Variants in PCP4 observed in about 807,000 individuals in gnomAD.
PCP4 encodes calmodulin regulator protein PCP4.
In PCP4, 8 loss-of-function variants were observed where a neutral mutation model predicts 10.0. The observed-to-expected ratio is 0.80, with a 90% CI of 0.47 to 1.45. The LOEUF is 1.45. Among genes scored for constraint, PCP4 ranks in the 40% most tolerant of loss-of-function variants. The pLI, the probability that PCP4 is intolerant of heterozygous loss-of-function variation, is 0.00. For missense variants in PCP4, 54 were observed against 74.4 expected, an observed-to-expected ratio of 0.73 and a Z score of 1.01; for synonymous variants, 21 against 23.0, an observed-to-expected ratio of 0.91 and a Z score of 0.24.
intron 2 of PCP4, among the ~76,000 whole-genome samples, chr21:39,910,485 A>T (rs190701704): frequency 1.5e-3 from 234 of 152,262 alleles, no homozygotes; most frequent in Non-Finnish European, 2.7e-3. Context: ...TTAAAAAAAA[A>T]AGTGTTTTTA....
intron 1 of PCP4, among the ~76,000 whole-genome samples, chr21:39,880,990 C>T (rs1034131): frequency 6.6e-6 from 1 of 151,918 alleles, no homozygotes; most frequent in Non-Finnish European, 1.5e-5. Context: ...GTTGGTTGTT[C>T]GTATTGGTGG....
At chr21:39,897,495 T>C (rs2087462507) in intron 1 of PCP4, among the ~76,000 whole-genome samples, 1 of 152,090 alleles carries the variant, frequency 6.6e-6, no homozygotes, top group Admixed American at 6.6e-5. Flanking sequence ...AATGCTTCTC[T>C]CTCCATAACT....
intron 2 of PCP4, among the ~76,000 whole-genome samples, chr21:39,905,905 G>T (rs1044269060): frequency 2.6e-5 from 4 of 152,080 alleles, no homozygotes; most frequent in African/African-American, 9.7e-5. Context: ...AAAATTAGCC[G>T]GGGGTGTGGT....
chr21:39,873,676 C>T (rs1386125492), intron 1 of PCP4, among the ~76,000 whole-genome samples: 2 of 152,108 alleles, frequency 1.3e-5, no homozygotes, highest in African/African-American at 4.8e-5. Context: ...AATACAGAAA[C>T]GTTTTCCAGT....
intron 1 of PCP4, among the ~76,000 whole-genome samples, chr21:39,867,810 TTC>T (rs2087301388): frequency 6.6e-6 from 1 of 152,214 alleles, no homozygotes; most frequent in South Asian, 2.1e-4. Flanking sequence ...AAATGTTTTA[TTC>T]TCTTACGAAG....
chr21:39,911,316 CCAA>C lies in PCP4; in HGVS notation c.61+12791_61+12793del, dbSNP rs545357205. On this transcript the variant is annotated intron_variant, in intron 2 of 2. Transcript: ENST00000328619. ...CATTTCCTCTAGAAAAACTGCATTT[CCAA>C]CTATCTGACAGTAAAACAGGGAAAC... is the stretch of plus-strand genomic sequence containing the variant. Among the ~76,000 whole-genome samples the C allele has an allele frequency of 2.4e-3, 359 of 152,226 alleles. 1 individual carries two copies. The highest frequency in any genetic ancestry group is 8.4e-3 in the African/African-American group (347 of 41,548).
intron 1 of PCP4, among the ~76,000 whole-genome samples, chr21:39,891,462 C>T (rs573424397): frequency 1.4e-4 from 21 of 152,312 alleles, no homozygotes; most frequent in African/African-American, 2.2e-4. Flanking sequence ...CTTGGATCAA[C>T]GAGAGATGGC....
chr21:39,904,879 A>G (rs1256786779), intron 2 of PCP4, among the ~76,000 whole-genome samples: 2 of 152,220 alleles, frequency 1.3e-5, no homozygotes, highest in East Asian at 3.8e-4. Flanking sequence ...TAACAAGCCA[A>G]GATGAGCCTC....
chr21:39,902,087 A>G (rs1236834113), intron 2 of PCP4, among the ~76,000 whole-genome samples: 1 of 152,182 alleles, frequency 6.6e-6, no homozygotes, highest in African/African-American at 2.4e-5. Flanking sequence ...ATAGGTATCT[A>G]GGGAGATCTA....
chr21:39,894,775 G>A (rs1345549201), intron 1 of PCP4, among the ~76,000 whole-genome samples: 1 of 152,128 alleles, frequency 6.6e-6, no homozygotes, highest in East Asian at 1.9e-4. Flanking sequence ...CTGTTCAGTC[G>A]GCAACATATG....
At chr21:39,910,645 G>T (rs968438941) in intron 2 of PCP4, among the ~76,000 whole-genome samples, 3 of 152,328 alleles carry the variant, frequency 2.0e-5, no homozygotes, top group East Asian at 3.9e-4. Flanking sequence ...AGAACTTTCA[G>T]AATAAGATAG....
At chr21:39,883,129 T>C (rs2087383710) in intron 1 of PCP4, among the ~76,000 whole-genome samples, 1 of 228 alleles carries the variant, frequency 4.4e-3, no homozygotes, top group Admixed American at 0.071. Flanking sequence ...GATGGACAAG[T>C]ATTTCCTTTG....
chr21:39,884,985 T>C (rs1387728188), intron 1 of PCP4, among the ~76,000 whole-genome samples: 1 of 152,188 alleles, frequency 6.6e-6, no homozygotes, highest in Non-Finnish European at 1.5e-5. Context: ...TATAGCATGA[T>C]CATATCAGCT....
intron 1 of PCP4, among the ~76,000 whole-genome samples, chr21:39,889,812 A>T (rs561255144): frequency 6.6e-6 from 1 of 152,298 alleles, no homozygotes; most frequent in South Asian, 2.1e-4. Flanking sequence ...TTTGGACCCC[A>T]AATTTAACCA....
intron 2 of PCP4, among the ~76,000 whole-genome samples, chr21:39,914,919 G>A (rs1486675834): frequency 2.0e-5 from 3 of 152,154 alleles, no homozygotes; most frequent in African/African-American, 7.2e-5. Context: ...TAAAACCAGG[G>A]AATATCAGAG....
intron 1 of PCP4, among the ~76,000 whole-genome samples, chr21:39,876,280 G>GC (rs1476855269): frequency 6.6e-6 from 1 of 151,796 alleles, no homozygotes; most frequent in Non-Finnish European, 1.5e-5. Context: ...CCATTACCCC[G>GC]CCCCTATCCT....
chr21:39,918,261 C>T (rs2087578700), intron 2 of PCP4, among the ~76,000 whole-genome samples: 1 of 152,136 alleles, frequency 6.6e-6, no homozygotes, highest in Non-Finnish European at 1.5e-5. Context: ...AAGATCTGAT[C>T]TCATTAGTTC....
At chr21:39,877,340 G>A (rs887436741) in intron 1 of PCP4, among the ~76,000 whole-genome samples, 2 of 151,916 alleles carry the variant, frequency 1.3e-5, no homozygotes, top group Admixed American at 6.6e-5. Context: ...CTCCCATCCC[G>A]TCACACACAG....
intron 2 of PCP4, among the ~76,000 whole-genome samples, chr21:39,926,647 A>G (rs2252046): frequency 0.5 from 76,016 of 152,060 alleles, 18,973 homozygotes; most frequent in Admixed American, 0.53. Context: ...TTATTGGTAC[A>G]AAAGGGTTTA....
Sources: gnomAD v4.1 joint callset for allele counts (sites outside exome capture counted in the v4.1 genomes callset) on GRCh38, gnomAD v4.1.1 for gene constraint, MANE v1.5 for transcripts, NCBI Gene and HGNC (gene_info 2026-07-23, HGNC 2026-07-21) for gene names.